The following EPHB1 variants were observed in gnomAD, a reference collection of about 807,000 sequenced individuals.
EPHB1 encodes EPH receptor B1.
A neutral mutation model predicts 94.4 loss-of-function variants in EPHB1; 30 were observed. The ratio of observed to expected loss-of-function variants is 0.32; its 90% CI spans 0.24 to 0.43. The LOEUF (loss-of-function observed/expected upper bound fraction) is 0.43. Ranked by LOEUF, EPHB1 falls within the 20% of genes least tolerant of loss-of-function variation. The pLI is 1.00. For synonymous variants in EPHB1, 522 were observed against 489.1 expected (o/e 1.07, Z -0.89); for missense variants, 1,055 against 1,308.3 (o/e 0.81, Z 2.99).
intron 4 of EPHB1, among the ~76,000 whole-genome samples, chr3:135,129,865 G>C (rs185792455): frequency 1.3e-5 from 2 of 152,260 alleles, no homozygotes; most frequent in East Asian, 3.9e-4. Context: ...GAGGCTCAGA[G>C]ATAAGAAGAG....
chr3:135,194,245 ATCT>A (rs560876285), intron 11 of EPHB1, among the ~76,000 whole-genome samples: 129 of 152,326 alleles, frequency 8.5e-4, no homozygotes, highest in African/African-American at 3.0e-3. Flanking sequence ...TGTTGTGTTC[ATCT>A]TAGACAGTAT....
intron 12 of EPHB1, among the ~76,000 whole-genome samples, chr3:135,213,419 G>T (rs961871275): frequency 1.3e-5 from 2 of 152,276 alleles, no homozygotes; most frequent in African/African-American, 4.8e-5. Context: ...TCTGAATGTC[G>T]TTATGTGTGT....
At chr3:134,802,554 A>G (rs2035955724) in intron 1 of EPHB1, among the ~76,000 whole-genome samples, 1 of 152,118 alleles carries the variant, frequency 6.6e-6, no homozygotes, top group African/African-American at 2.4e-5. Flanking sequence ...AGTGCCCTCC[A>G]TGAGAAAGCC....
intron 3 of EPHB1, among the ~76,000 whole-genome samples, chr3:134,994,721 GC>G (rs1165927370): frequency 2.0e-5 from 3 of 152,132 alleles, no homozygotes; most frequent in Non-Finnish European, 4.4e-5. Flanking sequence ...ACAGTGCCCA[GC>G]CTATATAGCT....
In EPHB1 at chr3:134,833,189, G is replaced by GC. The variant is rs542717246; in HGVS notation, c.58+37505dup. On this transcript the variant is annotated intron_variant, in intron 1 of 15. Coordinates refer to ENST00000398015, the MANE Select transcript of EPHB1 (RefSeq NM_004441.5). ...CCTGGGGTCCCATGGGACTCTCAGC[G>GC]CCCCCATAAGTGAGGACTTAGGGAC... 7.8e-4 allele frequency among the ~76,000 whole-genome samples: 118 copies of GC among 152,250 alleles called. 1 individual carries two copies. In the South Asian group the frequency reaches 0.016, roughly 21 times the overall value.
intron 3 of EPHB1, among the ~76,000 whole-genome samples, chr3:135,001,919 G>C (rs749294230): frequency 3.3e-5 from 5 of 152,144 alleles, no homozygotes; most frequent in Non-Finnish European, 7.4e-5. Flanking sequence ...TCATCAAAAA[G>C]AATGCTGTCC....
At chr3:134,836,496 A>T (rs1267719519) in intron 1 of EPHB1, among the ~76,000 whole-genome samples, 1 of 152,216 alleles carries the variant, frequency 6.6e-6, no homozygotes, top group Non-Finnish European at 1.5e-5. Context: ...CTTCAATGTA[A>T]CAAGTATATA....
intron 12 of EPHB1, among the ~76,000 whole-genome samples, chr3:135,218,364 C>G (rs1943201816): frequency 6.6e-6 from 1 of 152,178 alleles, no homozygotes; most frequent in Non-Finnish European, 1.5e-5. Context: ...TACCAATGCT[C>G]AGTTAGGGAT....
chr3:134,992,424 C>T (rs1027985686), intron 3 of EPHB1, among the ~76,000 whole-genome samples: 1 of 152,162 alleles, frequency 6.6e-6, no homozygotes, highest in Non-Finnish European at 1.5e-5. Context: ...GCCAAGCCTC[C>T]GGTCAGTATG....
chr3:135,000,242 G>A (rs958849075), intron 3 of EPHB1, among the ~76,000 whole-genome samples: 2 of 152,236 alleles, frequency 1.3e-5, no homozygotes, highest in African/African-American at 4.8e-5. Context: ...CTTAATTAGA[G>A]AATTAATCAA....
chr3:135,215,248 C>G (rs1399241903), intron 12 of EPHB1, among the ~76,000 whole-genome samples: 3 of 152,068 alleles, frequency 2.0e-5, no homozygotes, highest in African/African-American at 4.8e-5. Context: ...ACCGCAACCT[C>G]CACCTCCTGG....
Position 135,179,868 on chromosome 3 carries a change from G to C in EPHB1, c.1768G>C (p.Gly590Arg). 3.7e-6 allele frequency: 6 copies of C among 1,613,704 alleles called. No homozygotes were observed. The highest frequency in any genetic ancestry group is 5.1e-6 in the Non-Finnish European group (6 of 1,179,754). ...QHYSTGRGSP[G>R]MKIYIDPFTY... The stretch of plus-strand genomic sequence containing the variant: ...TTATCTCCTCCAACAAGGCTCCCCA[G>C]GGATGAAGATCTACATTGACCCCTT... The change falls in exon 10 of 16, where the codon GGG (glycine) becomes CGG (arginine). Residue 590 changes from glycine to arginine, a missense_variant. Gly to Arg is a moderately radical substitution (Grantham distance 125, BLOSUM62 -2). Transcript: ENST00000398015.
intron 3 of EPHB1, among the ~76,000 whole-genome samples, chr3:135,083,777 G>A (rs1317980048): frequency 6.6e-6 from 1 of 152,060 alleles, no homozygotes; most frequent in East Asian, 1.9e-4. Context: ...GTTAATTGAG[G>A]CCTGCATATT....
chr3:135,212,694 C>T (rs1482134405), intron 12 of EPHB1, among the ~76,000 whole-genome samples: 1 of 152,194 alleles, frequency 6.6e-6, no homozygotes, highest in African/African-American at 2.4e-5. Flanking sequence ...TTCCTCCAGT[C>T]AGAAAGACAG....
chr3:135,087,023 C>G (rs769250062), intron 3 of EPHB1, among the ~76,000 whole-genome samples: 2 of 152,156 alleles, frequency 1.3e-5, no homozygotes, highest in African/African-American at 4.8e-5. Flanking sequence ...AAAATAAAAC[C>G]AGTACCTTTA....
In EPHB1 at chr3:134,890,311, T is replaced by C. The variant is rs148971073; in HGVS notation, c.59-35505T>C. On this transcript the variant is annotated intron_variant, in intron 1 of 15. Coordinates refer to ENST00000398015, the MANE Select transcript of EPHB1 (RefSeq NM_004441.5). ...GAATCATGTCCCCTTTCTTCTCCAC[T>C]AAATAATATGTTTGAGAGATCCATC... 1.8e-3 allele frequency among the ~76,000 whole-genome samples: 280 copies of C among 152,362 alleles called. 1 individual carries two copies. The highest frequency in any genetic ancestry group is 6.4e-3 in the African/African-American group (268 of 41,580).
chr3:135,241,057 GT>G, intron 12 of EPHB1, 90 bp from the exon 13 acceptor site: 1 of 1,470,562 alleles, frequency 6.8e-7, no homozygotes, highest in Non-Finnish European at 9.5e-7. Context: ...GGGAGTGAGA[GT>G]TTGGAAGAAT....
At chr3:134,857,162 A>AG (rs376209610) in intron 1 of EPHB1, among the ~76,000 whole-genome samples, 182 of 152,302 alleles carry the variant, frequency 1.2e-3, no homozygotes, top group African/African-American at 4.3e-3. Flanking sequence ...GGGCTCAACT[A>AG]GGGTGGGCTC....
chr3:134,877,904 A>G (rs924771816), intron 1 of EPHB1, among the ~76,000 whole-genome samples: 1 of 152,198 alleles, frequency 6.6e-6, no homozygotes, highest in Non-Finnish European at 1.5e-5. Flanking sequence ...GTCCTCTTCC[A>G]CTGAGCTCCC....
Sources: allele counts gnomAD v4.1 joint callset (sites outside exome capture counted in the v4.1 genomes callset), GRCh38; gene constraint gnomAD v4.1.1; transcripts MANE v1.5; gene names NCBI Gene and HGNC (gene_info 2026-07-23, HGNC 2026-07-21).